Variants in RAC1 observed in about 807,000 individuals in gnomAD.
The protein encoded by RAC1 is ras-related C3 botulinum toxin substrate 1.
Under a neutral mutation model 25.2 loss-of-function variants are expected in RAC1, and 2 were observed. The observed-to-expected ratio is 0.08, with a 90% CI of 0.03 to 0.25. RAC1 has a LOEUF of 0.25. Ranked by LOEUF, RAC1 falls within the 10% of genes least tolerant of loss-of-function variation. The probability of loss-of-function intolerance (pLI) is 1.00; values close to 1 mark genes in which losing one functional copy is unlikely to be tolerated. For missense variants in RAC1, 50 were observed against 235.7 expected (o/e 0.21, Z 5.16); for synonymous variants, 88 against 94.0 (o/e 0.94, Z 0.37).
chr7:6,381,147 C>CGTCA (rs1782751941), intron 1 of RAC1, among the ~76,000 whole-genome samples: 1 of 152,176 alleles, frequency 6.6e-6, no homozygotes, highest in Non-Finnish European at 1.5e-5. Flanking sequence ...GGATTACAGG[C>CGTCA]GTCAGCCACC....
At chr7:6,381,499 TCTC>T (rs1022267711) in intron 1 of RAC1, among the ~76,000 whole-genome samples, 7 of 151,390 alleles carry the variant, frequency 4.6e-5, no homozygotes, top group African/African-American at 1.7e-4. Context: ...TTCAAGCAAT[TCTC>T]CTGCCTCAGC....
chr7:6,392,635 T>G (rs533201785), intron 3 of RAC1, among the ~76,000 whole-genome samples: 1 of 152,342 alleles, frequency 6.6e-6, no homozygotes, highest in Non-Finnish European at 1.5e-5. Context: ...CAAAGCTAAT[T>G]AGAGCAGTAG....
chr7:6,401,620 A>G (rs763472604), intron 4 of RAC1: 5 of 297,894 alleles, frequency 1.7e-5, no homozygotes, highest in Non-Finnish European at 3.1e-5. Context: ...CTGCGGTTGT[A>G]GAGCCCGTTC....
Position 6,387,239 on chromosome 7 carries a change from C to T in RAC1, c.63C>T (p.Ile21=), listed in dbSNP as rs1177487354. The part of the protein sequence containing the change: ...DGAVGKTCLL[I]SYTTNAFPGE... Reference sequence around the variant, plus strand: ...CTGTAGGTAAAACTTGCCTACTGATCAGTTACACAACCAATGCATTTCCTG... The same window carrying T: ...CTGTAGGTAAAACTTGCCTACTGATTAGTTACACAACCAATGCATTTCCTG... The change falls in exon 2 of 6, where the codon ATC becomes ATT. Residue 21 remains isoleucine (I), a synonymous_variant. Coordinates refer to ENST00000348035, the MANE Select transcript of RAC1 (RefSeq NM_006908.5). 1.3e-6 allele frequency: 2 copies of T among 1,575,826 alleles called. No homozygotes were observed. Among genetic ancestry groups the T allele is most frequent in the African/African-American group, 1.4e-5 (1 of 71,784 alleles).
At chr7:6,399,550 C>T (rs1323281608) in intron 3 of RAC1, among the ~76,000 whole-genome samples, 2 of 152,212 alleles carry the variant, frequency 1.3e-5, no homozygotes, top group Non-Finnish European at 2.9e-5. Context: ...GGAGCGAGTT[C>T]TCCTGAGGCC....
rs960952155 is a variant in RAC1 at position 6,402,567 on chromosome 7, A to G, written c.*121A>G. 2.1e-5 allele frequency: 20 copies of G among 946,540 alleles called. No homozygotes were observed. Among genetic ancestry groups the G allele is most frequent in the Non-Finnish European group, 2.7e-5 (19 of 716,418 alleles). 58.6% of individuals were successfully genotyped at this position (946,540 alleles called of 1,614,324 possible). A position where few individuals can be genotyped will look rare whatever the true frequency, so the allele number is the denominator to read the frequency against. On this transcript the variant is annotated 3_prime_UTR_variant, in exon 6 of 6. Transcript: ENST00000348035. ...GGTGGAGCCTTCGCACTCAATGCCA[A>G]CTTTTTGTTACAGATTAATTTTTCC...
intron 3 of RAC1, chr7:6,399,754 G>C (rs955996448): frequency 1.6e-5 from 3 of 190,088 alleles, no homozygotes; most frequent in Non-Finnish European, 3.3e-5. Context: ...ATCTAAAACT[G>C]TTTGTACTCT....
At chr7:6,400,801 G>A (rs537240029) in intron 4 of RAC1, among the ~76,000 whole-genome samples, 11 of 151,532 alleles carry the variant, frequency 7.3e-5, no homozygotes, top group African/African-American at 2.4e-4. Context: ...TCAGCCTCCC[G>A]AGTAACTGGG....
intron 1 of RAC1, among the ~76,000 whole-genome samples, chr7:6,378,346 G>C (rs1410168320): frequency 6.6e-6 from 1 of 152,028 alleles, no homozygotes; most frequent in African/African-American, 2.4e-5. Context: ...AGGAGCTCGA[G>C]ACCAGCCTGG....
chr7:6,401,148 G>T (rs537681960), intron 4 of RAC1, among the ~76,000 whole-genome samples: 1 of 152,128 alleles, frequency 6.6e-6, no homozygotes, highest in Admixed American at 6.6e-5. Flanking sequence ...TAGAGACGGG[G>T]TTTCACCATG....
intron 4 of RAC1, 26 bp downstream of exon 4, chr7:6,400,214 G>GT (rs1160788732): frequency 7.7e-6 from 12 of 1,550,832 alleles, no homozygotes; most frequent in Non-Finnish European, 9.8e-6. Context: ...AAATGTGTAT[G>GT]TAAGTTATAG....
At chr7:6,381,985 A>T (rs553511822) in intron 1 of RAC1, among the ~76,000 whole-genome samples, 12 of 152,066 alleles carry the variant, frequency 7.9e-5, no homozygotes, top group Non-Finnish European at 1.3e-4. Flanking sequence ...TGTCCTTAAG[A>T]TCTACATACT....
At chr7:6,389,238 T>G (rs559544092) in intron 2 of RAC1, among the ~76,000 whole-genome samples, 7 of 151,878 alleles carry the variant, frequency 4.6e-5, no homozygotes, top group Non-Finnish European at 1.0e-4. Flanking sequence ...TATTTTTTGG[T>G]AGATAACTAC....
At chr7:6,388,792 C>G (rs1011747740) in intron 2 of RAC1, among the ~76,000 whole-genome samples, 1 of 152,150 alleles carries the variant, frequency 6.6e-6, no homozygotes, top group African/African-American at 2.4e-5. Context: ...CACTTGGACT[C>G]TTGGTGTTAA....
intron 1 of RAC1, among the ~76,000 whole-genome samples, chr7:6,376,303 G>C (rs836494): frequency 0.62 from 92,664 of 149,494 alleles, 30,459 homozygotes; most frequent in East Asian, 0.91. Context: ...CTGCCTCAGT[G>C]TCCTTAGTAG....
At chr7:6,390,903 T>G (rs1783074569) in intron 2 of RAC1, among the ~76,000 whole-genome samples, 1 of 152,174 alleles carries the variant, frequency 6.6e-6, no homozygotes, top group African/African-American at 2.4e-5. Context: ...TTTCTTCTTC[T>G]TCTTTTTTCT....
intron 3 of RAC1, among the ~76,000 whole-genome samples, chr7:6,394,622 C>G (rs1783179204): frequency 6.6e-6 from 1 of 152,138 alleles, no homozygotes; most frequent in Non-Finnish European, 1.5e-5. Flanking sequence ...TGGGGTCAGC[C>G]AGGACCCCAG....
Position 6,402,709 on chromosome 7 carries a change from C to A in RAC1, c.*263C>A. On this transcript the variant is annotated 3_prime_UTR_variant, in exon 6 of 6. Transcript: ENST00000348035. ...CTAAAATGACAAGCCTTCTTAAAGC[C>A]TTATTTTTCAAAAGCGCCCCCCCCA... The A allele has an allele frequency of 3.2e-6, 1 of 315,226 alleles. No individual in the cohort carries two copies. Among genetic ancestry groups the A allele is most frequent in the Non-Finnish European group, 5.7e-6 (1 of 174,428 alleles). The allele number at this position is 315,226 out of a possible 1,614,324, so 19.5% of individuals were successfully genotyped here. A position where few individuals can be genotyped will look rare whatever the true frequency, so the allele number is the denominator to read the frequency against.
In RAC1 at chr7:6,400,071, C is replaced by T; in HGVS notation, c.226-55C>T. ...CCAGCAACATGTAGAAAGCAAAGTG[C>T]ATGCTTCATTCTAAGGTTGTTGTCT... On this transcript the variant is annotated intron_variant, in intron 3 of 5. Coordinates refer to ENST00000348035, the MANE Select transcript of RAC1 (RefSeq NM_006908.5). 4.1e-6 allele frequency: 6 copies of T among 1,474,746 alleles called. No homozygotes were observed. In the East Asian group the frequency reaches 1.4e-4, roughly 33 times the overall value. 91.4% of individuals were successfully genotyped at this position (1,474,746 alleles called of 1,614,324 possible). A position where few individuals can be genotyped will look rare whatever the true frequency, so the allele number is the denominator to read the frequency against.
Sources: gnomAD v4.1 joint callset for allele counts (sites outside exome capture counted in the v4.1 genomes callset) on GRCh38, gnomAD v4.1.1 for gene constraint, MANE v1.5 for transcripts, NCBI Gene and HGNC (gene_info 2026-07-23, HGNC 2026-07-21) for gene names.